TRIP4: variants seen among roughly 807,000 people sequenced by gnomAD.
TRIP4 encodes activating signal cointegrator 1.
Under a neutral mutation model 81.8 loss-of-function variants are expected in TRIP4, and 54 were observed. The observed-to-expected ratio is 0.66, with a 90% CI of 0.53 to 0.83. The LOEUF is 0.83. TRIP4 is among the 40% of genes least tolerant of loss of function. The pLI is 0.00. For missense variants in TRIP4, 662 were observed against 683.6 expected (o/e 0.97, Z 0.35); for synonymous variants, 270 against 242.8 (o/e 1.11, Z -1.04).
At chr15:64,430,419 C>T (rs1033404447) in intron 11 of TRIP4, among the ~76,000 whole-genome samples, 1 of 152,246 alleles carries the variant, frequency 6.6e-6, no homozygotes, top group East Asian at 1.9e-4. Context: ...CAGATGTAAG[C>T]TCTCAAAAAC....
intron 11 of TRIP4, among the ~76,000 whole-genome samples, chr15:64,429,294 G>A (rs1314558326): frequency 6.6e-6 from 1 of 152,040 alleles, no homozygotes; most frequent in Non-Finnish European, 1.5e-5. Context: ...TCCAGCCTGA[G>A]TGACAAGAGC....
At position 64,445,100 on chromosome 15, in the gene TRIP4, C is replaced by CA; in HGVS notation, c.1675dup (p.Ile559AsnfsTer21). ...GTGAAGTTTCCTATTAAAGGAAATC[C>CA]AAAAATCTGTAAGTCATGATTTTTT... On this transcript the variant is annotated frameshift_variant, in exon 12 of 13. Coordinates refer to ENST00000261884, the MANE Select transcript of TRIP4 (RefSeq NM_016213.5). LOFTEE classifies it high-confidence loss of function. The CA allele has an allele frequency of 6.3e-7, 1 of 1,582,722 alleles. No homozygotes were observed.
intron 11 of TRIP4, among the ~76,000 whole-genome samples, chr15:64,432,524 C>A (rs1436656694): frequency 3.3e-5 from 5 of 151,924 alleles, no homozygotes; most frequent in African/African-American, 1.2e-4. Flanking sequence ...GCAGGAGAAT[C>A]ACTTGATCCT....
intron 12 of TRIP4, among the ~76,000 whole-genome samples, chr15:64,446,016 T>C (rs1261659141): frequency 6.6e-6 from 1 of 152,194 alleles, no homozygotes; most frequent in Non-Finnish European, 1.5e-5. Flanking sequence ...CTCATGCCTA[T>C]AATCCCAGCA....
chr15:64,446,713 A>T (rs1175405203), intron 12 of TRIP4, among the ~76,000 whole-genome samples: 1 of 151,696 alleles, frequency 6.6e-6, no homozygotes, highest in Non-Finnish European at 1.5e-5. Context: ...CATTTTAAAA[A>T]TTTTTATTAG....
At chr15:64,398,210 T>A (rs898232307) in intron 4 of TRIP4, among the ~76,000 whole-genome samples, 2 of 152,056 alleles carry the variant, frequency 1.3e-5, no homozygotes, top group Non-Finnish European at 2.9e-5. Flanking sequence ...TTTCTCTTTT[T>A]CTTAGTAAAT....
intron 11 of TRIP4, among the ~76,000 whole-genome samples, chr15:64,442,583 C>T (rs1238291407): frequency 1.3e-5 from 2 of 149,494 alleles, no homozygotes; most frequent in African/African-American, 4.9e-5. Context: ...CCGCACCTAG[C>T]CAGAGAAAAG....
rs562443554 is a variant in TRIP4, at chr15:64,450,411, A to G, written c.1679-4586A>G. The stretch of plus-strand genomic sequence containing the variant: ...CTCAAAAGAAAAAAAAAAAAAAAAA[A>G]AAAGAAAGAAAGGAAAAAAAAGAAA... On this transcript the variant is annotated intron_variant, in intron 12 of 12. Coordinates refer to ENST00000261884, the MANE Select transcript of TRIP4 (RefSeq NM_016213.5). 1.5e-3 allele frequency among the ~76,000 whole-genome samples: 230 copies of G among 150,028 alleles called. 1 individual carries two copies. The East Asian group carries it at 0.032, about 21-fold the overall frequency.
intron 12 of TRIP4, 103 bp downstream of exon 12, chr15:64,445,211 CAG>C: frequency 1.7e-6 from 1 of 589,066 alleles, no homozygotes; most frequent in Non-Finnish European, 3.0e-6. Context: ...TGTGAACAAT[CAG>C]TTGAGGTAAC....
chr15:64,410,131 T>C (rs974869827), intron 7 of TRIP4, among the ~76,000 whole-genome samples: 1 of 148,738 alleles, frequency 6.7e-6, no homozygotes, highest in Non-Finnish European at 1.5e-5. Flanking sequence ...GTTCAAGCCA[T>C]TCTCCTGCCT....
chr15:64,388,115 C>T (rs1328532274), intron 1 of TRIP4, 151 bp downstream of exon 1: 2 of 1,298,524 alleles, frequency 1.5e-6, no homozygotes, highest in African/African-American at 3.0e-5. Flanking sequence ...TTGGCCTCCA[C>T]CTTTGTAGTT....
At chr15:64,443,523 C>T (rs550910080) in intron 11 of TRIP4, among the ~76,000 whole-genome samples, 2 of 152,256 alleles carry the variant, frequency 1.3e-5, no homozygotes, top group East Asian at 3.9e-4. Flanking sequence ...TTTATTTGTG[C>T]CAAAGCACCT....
chr15:64,395,413 A>G lies in TRIP4; in HGVS notation c.287A>G (p.Gln96Arg), dbSNP rs1247004238. 1 of 1,608,306 alleles carries G rather than the reference A, an allele frequency of 6.2e-7. No individual in the cohort carries two copies. The highest frequency in any genetic ancestry group is 1.1e-5 in the South Asian group (1 of 89,456). ...CFKKDEILDG[Q>R]KSGDHLKRGR... is the part of the protein sequence containing the mutation. Reference sequence around the variant, plus strand: ...ATCTTTAAAGAAATTTTAGATGGGCAGAAATCAGGCGACCATCTAAAGCGG... The same window carrying G: ...ATCTTTAAAGAAATTTTAGATGGGCGGAAATCAGGCGACCATCTAAAGCGG... Residue 96 changes from glutamine (Q) to arginine (R), a missense_variant, in exon 3 of 13, where the codon CAG becomes CGG. Coordinates refer to ENST00000261884, the MANE Select transcript of TRIP4 (RefSeq NM_016213.5).
At chr15:64,408,506 G>A (rs573990769) in intron 6 of TRIP4, among the ~76,000 whole-genome samples, 43 of 144,330 alleles carry the variant, frequency 3.0e-4, no homozygotes, top group Non-Finnish European at 6.2e-4. Context: ...TGATCCGTCC[G>A]CCTCAGCCTC....
chr15:64,409,473 A>G (rs1566975845), intron 6 of TRIP4, 140 bp from the exon 7 acceptor site: 6 of 702,710 alleles, frequency 8.5e-6, no homozygotes, highest in South Asian at 1.8e-5. Context: ...CTGAGCCTAC[A>G]CTGGAGATAA....
At position 64,387,957 on chromosome 15, in the gene TRIP4, A is replaced by T. The variant is rs1013708577; in HGVS notation, c.94A>T (p.Ile32Phe). Residue 32 changes from isoleucine to phenylalanine, a missense_variant, in exon 1 of 13, where the codon ATC becomes TTC. Physicochemically the swap from Ile to Phe is conservative, Grantham distance 21 (BLOSUM62 0). Coordinates refer to ENST00000261884, the MANE Select transcript of TRIP4 (RefSeq NM_016213.5). ...TTTCGGCCTGGATGTCAGCGAGGAG[A>T]TCATTCAGTGAGAACAGTTCGGGTC... ...KTFGLDVSEE[I>F]IQYVLSIESA... 1 of 1,550,506 alleles carries T rather than the reference A, an allele frequency of 6.4e-7. No homozygotes were observed.
intron 4 of TRIP4, among the ~76,000 whole-genome samples, chr15:64,398,518 T>C (rs1403377613): frequency 6.7e-6 from 1 of 148,848 alleles, no homozygotes; most frequent in Admixed American, 6.8e-5. Context: ...GGGGCTGAAA[T>C]GGGAGCTTCA....
rs1891622364 is a variant in TRIP4 at position 64,406,367 on chromosome 15, G to A, written c.735G>A (p.Lys245=). The change falls in exon 6 of 13, where the codon AAG becomes AAA. Residue 245 remains lysine (K), a synonymous_variant. Coordinates refer to ENST00000261884, the MANE Select transcript of TRIP4 (RefSeq NM_016213.5). ...CTGGAAAGGTGGACATCTCTACCAAGGACCTTCTTCCTCATCAAGAATTGC... is the reference window on the plus strand; with the variant it reads ...CTGGAAAGGTGGACATCTCTACCAAAGACCTTCTTCCTCATCAAGAATTGC... The part of the protein sequence containing the change: ...ENSGKVDIST[K]DLLPHQELRI... 5 of 1,614,116 alleles carry A rather than the reference G, an allele frequency of 3.1e-6. No homozygotes were observed. Among genetic ancestry groups the A allele is most frequent in the Non-Finnish European group, 4.2e-6 (5 of 1,180,024 alleles).
intron 8 of TRIP4, among the ~76,000 whole-genome samples, chr15:64,416,687 G>A (rs1009596950): frequency 3.9e-5 from 6 of 152,074 alleles, no homozygotes; most frequent in African/African-American, 1.4e-4. Flanking sequence ...GTTTTGAATA[G>A]TTATTTATGT....
Sources: allele counts gnomAD v4.1 joint callset (sites outside exome capture counted in the v4.1 genomes callset), GRCh38; gene constraint gnomAD v4.1.1; transcripts MANE v1.5; gene names NCBI Gene and HGNC (gene_info 2026-07-23, HGNC 2026-07-21).